Variants in PTPN4 observed in about 807,000 individuals in gnomAD.
The protein encoded by PTPN4 is tyrosine-protein phosphatase non-receptor type 4.
A neutral mutation model predicts 135.5 loss-of-function variants in PTPN4; 49 were observed. The observed-to-expected ratio is 0.36, with a 90% CI of 0.29 to 0.46. The LOEUF (loss-of-function observed/expected upper bound fraction) is 0.46. PTPN4 is among the 20% of genes least tolerant of loss of function. The pLI, the probability that PTPN4 is intolerant of heterozygous loss-of-function variation, is 1.00. For synonymous variants in PTPN4, 333 were observed against 369.9 expected, an observed-to-expected ratio of 0.90 and a Z score of 1.14; for missense variants, 860 against 1,101.0, an observed-to-expected ratio of 0.78 and a Z score of 3.10.
At chr2:119,845,257 G>A (rs1677476554) in intron 2 of PTPN4, among the ~76,000 whole-genome samples, 2 of 110,376 alleles carry the variant, frequency 1.8e-5, no homozygotes, top group African/African-American at 3.3e-5. Context: ...GGAGGGGGAG[G>A]GGGAGGGGGA....
chr2:119,955,505 G>A lies in PTPN4; in HGVS notation c.1980+182G>A, dbSNP rs1679266967. Among the ~76,000 whole-genome samples, 3 of 152,158 alleles carry A rather than the reference G, an allele frequency of 2.0e-5. No homozygotes were observed. In the South Asian group the frequency reaches 6.2e-4, roughly 32 times the overall value. On this transcript the variant is annotated intron_variant, in intron 20 of 26. Transcript: ENST00000263708. ...AAATTGCTCCCAAAATACTAGCTAT[G>A]GTTATATAAATAGAATATGTTTTAA...
At chr2:119,797,858 G>A (rs955620448) in intron 1 of PTPN4, among the ~76,000 whole-genome samples, 2 of 152,098 alleles carry the variant, frequency 1.3e-5, no homozygotes, top group African/African-American at 2.4e-5. Flanking sequence ...CCCAGTCATG[G>A]TGTGCATTTG....
At chr2:119,936,927 GAAT>G (rs1678992755) in intron 15 of PTPN4, among the ~76,000 whole-genome samples, 1 of 152,094 alleles carries the variant, frequency 6.6e-6, no homozygotes, top group Non-Finnish European at 1.5e-5. Context: ...TTAACCTTAA[GAAT>G]AATGAGAGAG....
At chr2:119,969,936 A>G (rs1199649296) in intron 26 of PTPN4, among the ~76,000 whole-genome samples, 1 of 152,224 alleles carries the variant, frequency 6.6e-6, no homozygotes, top group Non-Finnish European at 1.5e-5. Context: ...TAAATTTTAT[A>G]ACAGCTTTAT....
intron 10 of PTPN4, among the ~76,000 whole-genome samples, chr2:119,901,871 A>T (rs1193313395): frequency 6.6e-6 from 1 of 152,216 alleles, no homozygotes; most frequent in East Asian, 1.9e-4. Context: ...GGTAGATTAT[A>T]CACAAGAAAA....
intron 2 of PTPN4, among the ~76,000 whole-genome samples, chr2:119,810,205 C>G (rs1051564439): frequency 7.9e-5 from 12 of 152,128 alleles, no homozygotes; most frequent in Non-Finnish European, 8.8e-5. Flanking sequence ...GAGAAACCAA[C>G]AGTGTGCATT....
chr2:119,945,535 G>A (rs1679120139), intron 16 of PTPN4, among the ~76,000 whole-genome samples: 1 of 151,848 alleles, frequency 6.6e-6, no homozygotes, highest in Non-Finnish European at 1.5e-5. Context: ...TCAAAGAGCA[G>A]GCATAGAACA....
chr2:119,763,923 C>T (rs1478844017), intron 1 of PTPN4, among the ~76,000 whole-genome samples: 1 of 152,164 alleles, frequency 6.6e-6, no homozygotes, highest in Non-Finnish European at 1.5e-5. Flanking sequence ...TTATGCATGG[C>T]ATTGGGCAAG....
intron 3 of PTPN4, among the ~76,000 whole-genome samples, chr2:119,875,427 C>G (rs3106248): frequency 0.01 from 1,567 of 152,204 alleles, 31 homozygotes; most frequent in African/African-American, 0.036. Flanking sequence ...GGAAGACAAG[C>G]TTTCAATAGA....
At chr2:119,846,254 C>T (rs1241870510) in intron 2 of PTPN4, among the ~76,000 whole-genome samples, 5 of 152,152 alleles carry the variant, frequency 3.3e-5, no homozygotes, top group African/African-American at 1.2e-4. Flanking sequence ...TTGCTGATCT[C>T]TGCCTTGTTG....
intron 2 of PTPN4, among the ~76,000 whole-genome samples, chr2:119,845,501 G>A (rs921013505): frequency 4.6e-5 from 7 of 151,748 alleles, no homozygotes; most frequent in African/African-American, 1.5e-4. Context: ...ATTATCTATC[G>A]GCATACATTT....
In PTPN4 at chr2:119,847,275, T is replaced by TATATAC. The variant is rs1553451350; in HGVS notation, c.139-15260_139-15259insTATACA. ...TAAGAAAAAAAGGAGATACTCTATA[T>TATATAC]ACACACACACACACACACACACACA... On this transcript the variant is annotated intron_variant, in intron 2 of 26. Transcript: ENST00000263708. Among the ~76,000 whole-genome samples the TATATAC allele has an allele frequency of 2.1e-3, 225 of 107,522 alleles. 2 individuals carry two copies. The highest frequency in any genetic ancestry group is 8.4e-3 in the African/African-American group (220 of 26,064). 70.5% of individuals were successfully genotyped at this position (107,522 alleles called of 152,430 possible). A position where few individuals can be genotyped will look rare whatever the true frequency, so the allele number is the denominator to read the frequency against.
intron 22 of PTPN4, among the ~76,000 whole-genome samples, chr2:119,957,646 A>G (rs999600572): frequency 1.3e-5 from 2 of 151,904 alleles, no homozygotes; most frequent in African/African-American, 2.4e-5. Flanking sequence ...AAAAATTACT[A>G]TTTTTTTCTT....
chr2:119,917,282 A>G (rs1442665162), intron 11 of PTPN4, among the ~76,000 whole-genome samples: 1 of 152,226 alleles, frequency 6.6e-6, no homozygotes, highest in East Asian at 1.9e-4. Context: ...CAGCAACAAT[A>G]GCTAACTGAC....
intron 10 of PTPN4, among the ~76,000 whole-genome samples, chr2:119,901,899 G>C (rs72838975): frequency 0.024 from 3,657 of 152,140 alleles, 65 homozygotes; most frequent in Non-Finnish European, 0.033. Flanking sequence ...TGAGCTTGAA[G>C]ATATGTCAAT....
intron 9 of PTPN4, among the ~76,000 whole-genome samples, chr2:119,889,877 A>G (rs535148539): frequency 1.5e-4 from 23 of 152,234 alleles, no homozygotes; most frequent in African/African-American, 4.8e-4. Flanking sequence ...AATTGACCCA[A>G]TGGTCATTTA....
chr2:119,806,220 A>G (rs1691464360), intron 1 of PTPN4, among the ~76,000 whole-genome samples: 2 of 152,260 alleles, frequency 1.3e-5, no homozygotes, highest in Non-Finnish European at 2.9e-5. Context: ...TCAAATTCAC[A>G]TATAACAATA....
At chr2:119,895,533 A>G (rs1574392410) in intron 9 of PTPN4, among the ~76,000 whole-genome samples, 1 of 152,002 alleles carries the variant, frequency 6.6e-6, no homozygotes, top group South Asian at 2.1e-4. Flanking sequence ...CCAGCTACTC[A>G]GGAGGCTGAG....
At chr2:119,932,046 T>A (rs1170023354) in intron 13 of PTPN4, among the ~76,000 whole-genome samples, 3 of 152,210 alleles carry the variant, frequency 2.0e-5, no homozygotes, top group African/African-American at 7.2e-5. Context: ...CATCCCAAGA[T>A]AAGCTAGTGT....
Sources: gnomAD v4.1 joint callset for allele counts (sites outside exome capture counted in the v4.1 genomes callset) on GRCh38, gnomAD v4.1.1 for gene constraint, MANE v1.5 for transcripts, NCBI Gene and HGNC (gene_info 2026-07-23, HGNC 2026-07-21) for gene names.